The following ASZ1 variants were observed in gnomAD, a reference collection of about 807,000 sequenced individuals.
ASZ1 encodes the protein ankyrin repeat, SAM and basic leucine zipper domain containing 1.
Under a neutral mutation model 61.8 loss-of-function variants are expected in ASZ1, and 67 were observed. That is an observed-to-expected ratio of 1.08 (90% CI 0.89 to 1.33). The LOEUF is 1.33. Ranked by LOEUF, ASZ1 falls within the 40% of genes most tolerant of loss-of-function variation. The pLI is 0.00. For synonymous variants in ASZ1, 193 were observed against 192.7 expected (o/e 1.00, Z -0.01); for missense variants, 577 against 554.5 (o/e 1.04, Z -0.41).
chr7:117,388,179 C>T (rs1411677914), intron 4 of ASZ1, among the ~76,000 whole-genome samples: 1 of 151,962 alleles, frequency 6.6e-6, no homozygotes, highest in African/African-American at 2.4e-5. Flanking sequence ...TTAAATTTTC[C>T]ACAAAGAAAA....
intron 4 of ASZ1, among the ~76,000 whole-genome samples, chr7:117,393,180 T>C (rs1448447130): frequency 6.6e-6 from 1 of 152,136 alleles, no homozygotes; most frequent in Non-Finnish European, 1.5e-5. Context: ...CTTAAAAGAC[T>C]TTCTTTGTGG....
chr7:117,422,449 A>T, intron 2 of ASZ1, 90 bp from the exon 3 acceptor site: 1 of 1,366,762 alleles, frequency 7.3e-7, no homozygotes, highest in South Asian at 1.6e-5. Context: ...GTGTAAAGTG[A>T]CGTACATCAT....
chr7:117,364,053 G>A (rs1318853321), intron 12 of ASZ1, among the ~76,000 whole-genome samples: 1 of 152,056 alleles, frequency 6.6e-6, no homozygotes, highest in African/African-American at 2.4e-5. Flanking sequence ...TAAAGTTTCT[G>A]TTTTACTTAT....
intron 4 of ASZ1, among the ~76,000 whole-genome samples, chr7:117,398,812 C>A (rs886492153): frequency 6.6e-6 from 1 of 152,212 alleles, no homozygotes. Context: ...TCTAGATACA[C>A]TGTTTACAAC....
chr7:117,379,133 TTATATATATATA>T (rs370500034), intron 10 of ASZ1, among the ~76,000 whole-genome samples: 6 of 104,694 alleles, frequency 5.7e-5, no homozygotes, highest in South Asian at 7.3e-4. Flanking sequence ...TGTGATAAAA[TTATATATATATA>T]TATATATATA....
At chr7:117,377,981 C>T (rs972928936) in intron 10 of ASZ1, among the ~76,000 whole-genome samples, 7 of 151,672 alleles carry the variant, frequency 4.6e-5, no homozygotes, top group African/African-American at 7.3e-5. Flanking sequence ...ATTATCTATC[C>T]CCAGGTGAAA....
chr7:117,423,871 A>T (rs1026389479), intron 2 of ASZ1, among the ~76,000 whole-genome samples: 2 of 151,830 alleles, frequency 1.3e-5, no homozygotes, highest in Non-Finnish European at 2.9e-5. Context: ...CAAAAAAAAA[A>T]AAAAGCAAAT....
intron 9 of ASZ1, among the ~76,000 whole-genome samples, chr7:117,380,775 C>T (rs1796234188): frequency 8.2e-6 from 1 of 122,484 alleles, no homozygotes; most frequent in Non-Finnish European, 1.6e-5. Context: ...GCTGTCATGA[C>T]AATCTGAAAA....
At chr7:117,368,760 G>T in intron 10 of ASZ1, 43 bp from the exon 11 acceptor site, 2 of 1,602,010 alleles carry the variant, frequency 1.2e-6, no homozygotes, top group South Asian at 2.3e-5. Flanking sequence ...TTACTAATAA[G>T]AGCAATTTAT....
At chr7:117,399,491 C>T (rs1796637883) in intron 4 of ASZ1, among the ~76,000 whole-genome samples, 1 of 152,200 alleles carries the variant, frequency 6.6e-6, no homozygotes, top group Admixed American at 6.5e-5. Context: ...CTGAGTCTTT[C>T]ATCTTCTAAC....
chr7:117,390,277 C>T (rs767389709), intron 4 of ASZ1, among the ~76,000 whole-genome samples: 3 of 151,960 alleles, frequency 2.0e-5, no homozygotes, highest in Non-Finnish European at 4.4e-5. Context: ...CCAAGCAATT[C>T]TTCCACCTTA....
At chr7:117,390,892 C>T (rs1796453409) in intron 4 of ASZ1, among the ~76,000 whole-genome samples, 1 of 151,932 alleles carries the variant, frequency 6.6e-6, no homozygotes, top group Non-Finnish European at 1.5e-5. Context: ...TTAGTAGACA[C>T]TGGGTTTCAC....
At chr7:117,398,868 C>A (rs1228756854) in intron 4 of ASZ1, among the ~76,000 whole-genome samples, 1 of 152,122 alleles carries the variant, frequency 6.6e-6, no homozygotes, top group Non-Finnish European at 1.5e-5. Flanking sequence ...CTTGCACGTG[C>A]ACCTACCTCT....
intron 4 of ASZ1, among the ~76,000 whole-genome samples, chr7:117,417,179 G>A (rs2188555): frequency 0.54 from 81,456 of 151,742 alleles, 24,748 homozygotes; most frequent in African/African-American, 0.84. Flanking sequence ...TACTGATCCC[G>A]TATTAGTTAA....
intron 4 of ASZ1, among the ~76,000 whole-genome samples, chr7:117,405,423 CA>C (rs941559007): frequency 7.2e-5 from 11 of 152,364 alleles, no homozygotes; most frequent in African/African-American, 2.6e-4. Flanking sequence ...CTCCTCGACA[CA>C]CAGGAGCTGC....
At chr7:117,427,049 G>A in intron 1 of ASZ1, 114 bp from the exon 2 acceptor site, 2 of 1,112,088 alleles carry the variant, frequency 1.8e-6, no homozygotes, top group Middle Eastern at 3.0e-4. Context: ...GCTTTATTTT[G>A]ACTAAGATAC....
intron 12 of ASZ1, among the ~76,000 whole-genome samples, chr7:117,364,282 G>C (rs1350850527): frequency 6.6e-6 from 1 of 152,138 alleles, no homozygotes; most frequent in East Asian, 1.9e-4. Context: ...AGCAATGAAA[G>C]TACAGTACCC....
At chr7:117,412,044 G>GTA (rs762680733) in intron 4 of ASZ1, among the ~76,000 whole-genome samples, 4,921 of 125,564 alleles carry the variant, frequency 0.039, 125 homozygotes, top group African/African-American at 0.072. Context: ...AAAGAAGTGT[G>GTA]TGTGTGTGTG....
At chr7:117,393,774 G>A (rs376223337) in intron 4 of ASZ1, among the ~76,000 whole-genome samples, 5 of 151,914 alleles carry the variant, frequency 3.3e-5, no homozygotes, top group East Asian at 1.9e-4. Flanking sequence ...TTTATCATGC[G>A]TCCATAATAA....
Sources: gnomAD v4.1 joint callset for allele counts (sites outside exome capture counted in the v4.1 genomes callset) on GRCh38, gnomAD v4.1.1 for gene constraint, MANE v1.5 for transcripts, NCBI Gene and HGNC (gene_info 2026-07-23, HGNC 2026-07-21) for gene names.